BMP15: variants seen among roughly 807,000 people sequenced by gnomAD.
BMP15 encodes growth/differentiation factor 9B.
A neutral mutation model predicts 4.4 loss-of-function variants in BMP15; 5 were observed. That is an observed-to-expected ratio of 1.13 (90% CI 0.59 to 2.38). The LOEUF (loss-of-function observed/expected upper bound fraction) is 2.38, where lower values mean the gene tolerates loss of function less well. Among genes scored for constraint, BMP15 ranks in the 30% most tolerant of loss-of-function variants. The pLI is 0.01. For synonymous variants in BMP15, 125 were observed against 114.6 expected (o/e 1.09, Z -0.58); for missense variants, 339 against 309.8 (o/e 1.09, Z -0.71).
At position 50,911,016 on chromosome X, in the gene BMP15, C is replaced by G; in HGVS notation, c.233C>G (p.Ala78Gly). ...RYMLELYRRSADSHGHPRENR... is the reference protein window; with the variant it reads ...RYMLELYRRSGDSHGHPRENR... ...ATGCTGGAGTTGTACCGGCGTTCAGCTGACTCGCATGGGCACCCTAGAGAG... is the reference window on the plus strand; with the variant it reads ...ATGCTGGAGTTGTACCGGCGTTCAGGTGACTCGCATGGGCACCCTAGAGAG... The change falls in exon 1 of 2, where the codon GCT becomes GGT. Residue 78 changes from alanine to glycine, a missense_variant. Ala to Gly is a moderately conservative substitution (Grantham distance 60, BLOSUM62 0). Transcript: ENST00000252677. The G allele has an allele frequency of 8.4e-7, 1 of 1,197,554 alleles. No individual in the cohort carries two copies. Among genetic ancestry groups the G allele is most frequent in the Non-Finnish European group, 1.1e-6 (1 of 888,245 alleles).
In BMP15 at chrX:50,916,290, A is replaced by C. The variant is rs141949448; in HGVS notation, c.862A>C (p.Asn288His). The C allele has an allele frequency of 4.2e-6, 5 of 1,203,457 alleles. No individual in the cohort carries two copies. In the South Asian group the frequency reaches 9.0e-5, roughly 22 times the overall value. The stretch of plus-strand genomic sequence containing the variant: ...TTCCTCAAAACATAGCGGGCCTGAA[A>C]ATAACCAGTGTTCCCTCCACCCTTT... Reference protein sequence around the residue: ...ASSSKHSGPENNQCSLHPFQI... With the variant: ...ASSSKHSGPEHNQCSLHPFQI... The change falls in exon 2 of 2, where the codon AAT (asparagine) becomes CAT (histidine). Residue 288 changes from asparagine (N) to histidine (H), a missense_variant. By Grantham distance (68) the Asn-to-His change is moderately conservative (BLOSUM62 1). Transcript: ENST00000252677.
In BMP15 at chrX:50,910,740, T is replaced by G; in HGVS notation, c.-44T>G. The stretch of plus-strand genomic sequence containing the variant: ...AGGAAATGGTCAGAGTGACGTCCCT[T>G]GGGCTTGTGTTGGGGCCTGTTGTTG... On this transcript the variant is annotated 5_prime_UTR_variant, in exon 1 of 2. Transcript: ENST00000252677. 1 of 1,118,057 alleles carries G rather than the reference T, an allele frequency of 8.9e-7. No individual in the cohort carries two copies. Among genetic ancestry groups the G allele is most frequent in the Non-Finnish European group, 1.2e-6 (1 of 817,794 alleles). The allele number at this position is 1,118,057 out of a possible 1,213,427, so 92.1% of individuals were successfully genotyped here. A position where few individuals can be genotyped will look rare whatever the true frequency, so the allele number is the denominator to read the frequency against.
Position 50,915,773 on chromosome X carries a change from G to A in BMP15, c.345G>A (p.Gln115=). 8.3e-7 allele frequency: 1 copy of A among 1,211,512 alleles called. No homozygotes were observed. The highest frequency in any genetic ancestry group is 1.1e-6 in the Non-Finnish European group (1 of 895,440). ...CTTCTGCAGGTACCTGGCATATACA[G>A]ATCCTGGGCTTTCCTCTCAGACCAA... ...ARPHRGTWHI[Q]ILGFPLRPNR... Residue 115 remains glutamine, a synonymous_variant, in exon 2 of 2, where the codon CAG becomes CAA. Transcript: ENST00000252677.
chrX:50,914,700 A>G (rs1420693948), intron 1 of BMP15, among the ~76,000 whole-genome samples: 1 of 112,156 alleles, frequency 8.9e-6, no homozygotes, highest in Admixed American at 9.5e-5. Flanking sequence ...GTGAATAAAT[A>G]CAAATTAACA....
At chrX:50,914,801 C>T (rs1159874434) in intron 1 of BMP15, among the ~76,000 whole-genome samples, 6 of 111,453 alleles carry the variant, frequency 5.4e-5, no homozygotes, top group Non-Finnish European at 9.4e-5. Context: ...TGACCTTCGC[C>T]GGGAGGGGGT....
Position 50,911,117 on chromosome X carries a change from T to C in BMP15, c.328+6T>C. 2 of 1,172,309 alleles carry C rather than the reference T, an allele frequency of 1.7e-6. No individual in the cohort carries two copies. Among genetic ancestry groups the C allele is most frequent in the African/African-American group, 3.5e-5 (2 of 56,682 alleles). On this transcript the variant is annotated splice_donor_region_variant and intron_variant, in intron 1 of 1. Coordinates refer to ENST00000252677, the MANE Select transcript of BMP15 (RefSeq NM_005448.2). ...TGTGGCAAGGCCTCACAGAGGTGAG[T>C]TGTTATGCCCCCATACTGCCCTGGA...
At chrX:50,911,368 G>A (rs976681326) in intron 1 of BMP15, among the ~76,000 whole-genome samples, 4 of 112,688 alleles carry the variant, frequency 3.5e-5, no homozygotes, top group Admixed American at 1.9e-4. Context: ...ACTGAGTGAT[G>A]TGCCATCACC....
At chrX:50,913,213 A>G (rs1461402901) in intron 1 of BMP15, among the ~76,000 whole-genome samples, 1 of 111,325 alleles carries the variant, frequency 9.0e-6, no homozygotes, top group Non-Finnish European at 1.9e-5. Context: ...AGATCACTTG[A>G]GCCCAGGAGA....
chrX:50,916,382 C>A lies in BMP15; in HGVS notation c.954C>A (p.Asn318Lys). 1 of 1,199,424 alleles carries A rather than the reference C, an allele frequency of 8.3e-7. No homozygotes were observed. Among genetic ancestry groups the A allele is most frequent in the Non-Finnish European group, 1.1e-6 (1 of 888,324 alleles). The change falls in exon 2 of 2, where the codon AAC becomes AAA. Residue 318 changes from asparagine (N) to lysine (K), a missense_variant. Coordinates refer to ENST00000252677, the MANE Select transcript of BMP15 (RefSeq NM_005448.2). ...TTGCTCCCCCTTTCTACACCCCAAA[C>A]TACTGTAAAGGAACTTGTCTCCGAG... is the stretch of plus-strand genomic sequence containing the variant. ...WIIAPPFYTP[N>K]YCKGTCLRVL...
In BMP15 at chrX:50,915,862, G is replaced by C. The variant is rs140319105; in HGVS notation, c.434G>C (p.Arg145Pro). The change falls in exon 2 of 2, where the codon CGC becomes CCC. Residue 145 changes from arginine to proline, a missense_variant. Arg to Pro is a moderately radical substitution (Grantham distance 103, BLOSUM62 -2). Coordinates refer to ENST00000252677, the MANE Select transcript of BMP15 (RefSeq NM_005448.2). ...TACCGCCATCATCTCCAACTAACTC[G>C]CTTCAATCTCTCCTGCCATGTGGAG... ...VVYRHHLQLT[R>P]FNLSCHVEPW... 1 of 1,211,128 alleles carries C rather than the reference G, an allele frequency of 8.3e-7. No individual in the cohort carries two copies. Among genetic ancestry groups the C allele is most frequent in the South Asian group, 1.8e-5 (1 of 56,910 alleles).
At chrX:50,913,958 A>T in intron 1 of BMP15, among the ~76,000 whole-genome samples, 1 of 111,027 alleles carries the variant, frequency 9.0e-6, no homozygotes, top group East Asian at 2.9e-4. Flanking sequence ...CATGAGTTGG[A>T]ATTTGACCTT....
rs1601952343 is a variant in BMP15 at position 50,911,064 on chromosome X, T to C, written c.281T>C (p.Met94Thr). Residue 94 changes from methionine to threonine, a missense_variant, in exon 1 of 2, where the codon ATG becomes ACG. By Grantham distance (81) the Met-to-Thr change is moderately conservative. Transcript: ENST00000252677. Reference sequence around the variant, plus strand: ...GAGAACCGCACCATTGGGGCCACCATGGTGAGGCTGGTGAAGCCCTTGACC... The same window carrying C: ...GAGAACCGCACCATTGGGGCCACCACGGTGAGGCTGGTGAAGCCCTTGACC... ...PRENRTIGAT[M>T]VRLVKPLTNV... 8.4e-7 allele frequency: 1 copy of C among 1,193,470 alleles called. No homozygotes were observed. Among genetic ancestry groups the C allele is most frequent in the Non-Finnish European group, 1.1e-6 (1 of 886,370 alleles).
chrX:50,911,935 A>G (rs1199281567), intron 1 of BMP15, among the ~76,000 whole-genome samples: 4 of 111,154 alleles, frequency 3.6e-5, no homozygotes, highest in African/African-American at 1.3e-4. Context: ...ACAGTGGGCT[A>G]TTGAAGTGTA....
chrX:50,914,115 T>C (rs1458370099), intron 1 of BMP15, among the ~76,000 whole-genome samples: 4 of 111,386 alleles, frequency 3.6e-5, no homozygotes, highest in Non-Finnish European at 5.7e-5. Flanking sequence ...GGATTACAGG[T>C]GCCTGCCACC....
intron 1 of BMP15, 122 bp from the exon 2 acceptor site, chrX:50,915,635 A>T: frequency 1.1e-6 from 1 of 896,831 alleles, no homozygotes; most frequent in Non-Finnish European, 1.6e-6. Flanking sequence ...TAGTATCATT[A>T]TCTTGAGTTA....
intron 1 of BMP15, 67 bp downstream of exon 1, chrX:50,911,178 A>T (rs1923008069): frequency 1.8e-6 from 2 of 1,101,672 alleles, no homozygotes; most frequent in South Asian, 2.0e-5. Flanking sequence ...GAGAAAAGGG[A>T]ATTGGTGGGT....
At position 50,916,537 on chromosome X, in the gene BMP15, T is replaced by C; in HGVS notation, c.1109T>C (p.Ile370Thr). 3 of 1,211,336 alleles carry C rather than the reference T, an allele frequency of 2.5e-6. No individual in the cohort carries two copies. The highest frequency in any genetic ancestry group is 1.7e-5 in the African/African-American group (1 of 57,726). The change falls in exon 2 of 2, where the codon ATT (isoleucine) becomes ACT (threonine). Residue 370 changes from isoleucine to threonine, a missense_variant. Transcript: ENST00000252677. ...TATGTTCCAATTAGTGTCCTTATGA[T>C]TGAGGCAAATGGGAGTATTTTGTAC... is the stretch of plus-strand genomic sequence containing the variant. ...YKYVPISVLM[I>T]EANGSILYKE...
chrX:50,914,533 G>T (rs1277155951), intron 1 of BMP15, among the ~76,000 whole-genome samples: 1 of 111,696 alleles, frequency 9.0e-6, no homozygotes. Flanking sequence ...GCTGTAGTGA[G>T]CCATGATTGT....
In BMP15 at chrX:50,915,780, G is replaced by A. The variant is rs142156356; in HGVS notation, c.352G>A (p.Gly118Ser). Residue 118 changes from glycine (G) to serine (S), a missense_variant, in exon 2 of 2, where the codon GGC becomes AGC. Transcript: ENST00000252677. ...AGGTACCTGGCATATACAGATCCTG[G>A]GCTTTCCTCTCAGACCAAACCGAGG... ...HRGTWHIQIL[G>S]FPLRPNRGLY... The A allele has an allele frequency of 3.3e-5, 40 of 1,209,272 alleles. No homozygotes were observed. Among genetic ancestry groups the A allele is most frequent in the Non-Finnish European group, 4.4e-5 (39 of 895,025 alleles).
Sources: gnomAD v4.1 joint callset for allele counts (sites outside exome capture counted in the v4.1 genomes callset) on GRCh38, gnomAD v4.1.1 for gene constraint, MANE v1.5 for transcripts, NCBI Gene and HGNC (gene_info 2026-07-23, HGNC 2026-07-21) for gene names.